The following PRAMEF4 variants were observed in gnomAD, a reference collection of about 807,000 sequenced individuals.
The protein encoded by PRAMEF4 is RP5-845O24.6.
In PRAMEF4, 18 loss-of-function variants were observed where a neutral mutation model predicts 34.4. That is an observed-to-expected ratio of 0.52 (90% CI 0.36 to 0.78). PRAMEF4 has a LOEUF of 0.78. PRAMEF4 is among the 30% of genes least tolerant of loss of function. The pLI is 0.00. For synonymous variants in PRAMEF4, 156 were observed against 219.3 expected, an observed-to-expected ratio of 0.71 and a Z score of 2.55; for missense variants, 482 against 569.1, an observed-to-expected ratio of 0.85 and a Z score of 1.56.
chr1:12,882,641 A>G (rs1231864133), intron 2 of PRAMEF4, among the ~76,000 whole-genome samples: 1 of 147,164 alleles, frequency 6.8e-6, no homozygotes, highest in African/African-American at 2.5e-5. Context: ...CCCAGGCTAG[A>G]GTGCAGTGGT....
At position 12,883,102 on chromosome 1, in the gene PRAMEF4, C is replaced by T. The variant is rs1180144083; in HGVS notation, c.293G>A (p.Arg98Lys). 6.2e-7 allele frequency: 1 copy of T among 1,600,934 alleles called. No homozygotes were observed. Among genetic ancestry groups the T allele is most frequent in the South Asian group, 1.1e-5 (1 of 90,162 alleles). The change falls in exon 2 of 4, where the codon AGG becomes AAG. Residue 98 changes from arginine to lysine, a missense_variant and splice_region_variant. Arg to Lys is a conservative substitution (Grantham distance 26). Coordinates refer to ENST00000235349, the MANE Select transcript of PRAMEF4 (RefSeq NM_001009611.4). Reference protein sequence around the residue: ...DALLNLGVRPRRWKLQVLDLQ... With the variant: ...DALLNLGVRPKRWKLQVLDLQ... ...CACCAGCCCACCTGGGCCACCTCAC[C>T]TGGGACGAACCCCTAGGTTAAGCAG...
chr1:12,879,741 G>C lies in PRAMEF4; in HGVS notation c.1240C>G (p.Leu414Val), dbSNP rs28656460. The C allele has an allele frequency of 8.3e-5, 133 of 1,603,108 alleles. 9 individuals carry two copies. The highest frequency in any genetic ancestry group is 1.9e-4 in the Admixed American group (11 of 57,872). ...TIILKNLCVE[L>V]YPAPRESYGA... The stretch of plus-strand genomic sequence containing the variant: ...TAACTCTCCCGGGGGGCAGGATACA[G>C]CTCCACGCATAAGTTTTTGAGTATG... Residue 414 changes from leucine (L) to valine (V), a missense_variant, in exon 4 of 4, where the codon CTG becomes GTG. By Grantham distance (32) the Leu-to-Val change is conservative. Coordinates refer to ENST00000235349, the MANE Select transcript of PRAMEF4 (RefSeq NM_001009611.4).
At position 12,881,734 on chromosome 1, in the gene PRAMEF4, C is replaced by G. The variant is rs889154172; in HGVS notation, c.875+120G>C. 5.4e-5 allele frequency: 80 copies of G among 1,483,900 alleles called. 5 individuals carry two copies. Among genetic ancestry groups the G allele is most frequent in the African/African-American group, 8.7e-5 (6 of 68,984 alleles). 91.9% of individuals were successfully genotyped at this position (1,483,900 alleles called of 1,614,324 possible). On this transcript the variant is annotated intron_variant, in intron 3 of 3. Coordinates refer to ENST00000235349, the MANE Select transcript of PRAMEF4 (RefSeq NM_001009611.4). ...GGCCGCCCACAGGACAATGCATGGA[C>G]ATTCTAGTGTCCCCTTCACTGTTTC... is the stretch of plus-strand genomic sequence containing the variant.
chr1:12,881,258 C>A (rs755990539), intron 3 of PRAMEF4, among the ~76,000 whole-genome samples: 1 of 148,148 alleles, frequency 6.8e-6, no homozygotes, highest in Admixed American at 6.9e-5. Flanking sequence ...CCCAGGCACT[C>A]AGGAGGCTGA....
rs557337408 is a variant in PRAMEF4 at position 12,883,117 on chromosome 1, A to C, written c.278T>G (p.Leu93Arg). 3 of 1,601,128 alleles carry C rather than the reference A, an allele frequency of 1.9e-6. No homozygotes were observed. The highest frequency in any genetic ancestry group is 2.6e-6 in the Non-Finnish European group (3 of 1,174,164). ...GCCACCTCACCTGGGACGAACCCCTAGGTTAAGCAGTGCATCCAGCCCATC... is the reference window on the plus strand; with the variant it reads ...GCCACCTCACCTGGGACGAACCCCTCGGTTAAGCAGTGCATCCAGCCCATC... ...VLDGLDALLN[L>R]GVRPRRWKLQ... is the part of the protein sequence containing the mutation. Residue 93 changes from leucine to arginine, a missense_variant, in exon 2 of 4, where the codon CTA becomes CGA. Around this residue, in one of 6 missense-constraint regions of PRAMEF4, gnomAD observed 172 missense variants for 130.2 expected, o/e 1.32. Coordinates refer to ENST00000235349, the MANE Select transcript of PRAMEF4 (RefSeq NM_001009611.4).
chr1:12,884,141 C>G (rs4127245), intron 1 of PRAMEF4, among the ~76,000 whole-genome samples: 110,320 of 142,110 alleles, frequency 0.78, 44,685 homozygotes, highest in African/African-American at 0.93. Flanking sequence ...CCAAGTAGCT[C>G]GGACCACAGT....
chr1:12,881,812 C>A, intron 3 of PRAMEF4, 42 bp downstream of exon 3: 1 of 1,566,708 alleles, frequency 6.4e-7, no homozygotes. Context: ...CTGTAACAGG[C>A]TCTGCTGTGG....
chr1:12,885,535 C>A (rs1408731769), intron 1 of PRAMEF4, among the ~76,000 whole-genome samples: 1 of 148,446 alleles, frequency 6.7e-6, no homozygotes, highest in Non-Finnish European at 1.5e-5. Context: ...AATCCCAGCA[C>A]TTTGGGAGGC....
rs202186378 is a variant in PRAMEF4 at position 12,883,541 on chromosome 1, T to A, written c.-16-131A>T. 1.7e-3 allele frequency: 2,087 copies of A among 1,230,068 alleles called. 3 individuals carry two copies. In the African/African-American group the frequency reaches 0.029, roughly 17 times the overall value. The allele number at this position is 1,230,068 out of a possible 1,614,324, so 76.2% of individuals were successfully genotyped here. ...TCCTCAGTTTACTCCAATTCTACTC[T>A]GTACTCAGTGGCCATTAAGCCAGCA... On this transcript the variant is annotated intron_variant, in intron 1 of 3. Coordinates refer to ENST00000235349, the MANE Select transcript of PRAMEF4 (RefSeq NM_001009611.4).
At chr1:12,886,088 T>C (rs1227160791) in intron 1 of PRAMEF4, 59 bp downstream of exon 1, 2 of 129,336 alleles carry the variant, frequency 1.5e-5, no homozygotes, top group African/African-American at 6.1e-5. Flanking sequence ...ACTGTCACCA[T>C]CCCAGACCGA....
chr1:12,884,918 G>C (rs1640970571), intron 1 of PRAMEF4, among the ~76,000 whole-genome samples: 1 of 149,752 alleles, frequency 6.7e-6, no homozygotes, highest in African/African-American at 2.5e-5. Flanking sequence ...GTCCTTCAAA[G>C]TCCTGAGTGT....
In PRAMEF4 at chr1:12,880,467, T is replaced by A. The variant is rs534930848; in HGVS notation, c.876-362A>T. On this transcript the variant is annotated intron_variant, in intron 3 of 3. Transcript: ENST00000235349. ...GGGGGGAGCCTGCAATTCCAGCTAC[T>A]TGGGAAGCTGAGGCAGAAGAATCGC... Among the ~76,000 whole-genome samples the A allele has an allele frequency of 4.4e-3, 664 of 150,264 alleles. 10 individuals carry two copies. Among genetic ancestry groups the A allele is most frequent in the Middle Eastern group, 0.042 (12 of 284 alleles).
At chr1:12,885,289 GC>G (rs1310553770) in intron 1 of PRAMEF4, among the ~76,000 whole-genome samples, 1 of 149,564 alleles carries the variant, frequency 6.7e-6, no homozygotes, top group African/African-American at 2.5e-5. Context: ...ACCCCCCACA[GC>G]CATGCCTCCA....
Position 12,883,160 on chromosome 1 carries a change from C to A in PRAMEF4, c.235G>T (p.Ala79Ser), listed in dbSNP as rs199923650. Residue 79 changes from alanine (A) to serine (S), a missense_variant, in exon 2 of 4, where the codon GCC (alanine) becomes TCC (serine). Transcript: ENST00000235349. ...RPLIKMPCLE[A>S]FQAVLDGLDA... ...AGCCCATCGAGCACAGCTTGGAAGG[C>A]CTCCAGACAAGGCATCTTTATCAGA... 9 of 1,601,144 alleles carry A rather than the reference C, an allele frequency of 5.6e-6. 1 individual carries two copies. Among genetic ancestry groups the A allele is most frequent in the Non-Finnish European group, 7.7e-6 (9 of 1,174,138 alleles).
intron 3 of PRAMEF4, among the ~76,000 whole-genome samples, chr1:12,881,242 T>G (rs1269309801): frequency 1.4e-5 from 2 of 147,900 alleles, no homozygotes; most frequent in African/African-American, 2.5e-5. Flanking sequence ...GGCTCACGCC[T>G]GTAATCCCAG....
Position 12,882,432 on chromosome 1 carries a change from C to A in PRAMEF4, c.297G>T (p.Arg99Ser), listed in dbSNP as rs373025160. The A allele has an allele frequency of 6.3e-7, 1 of 1,587,134 alleles. No individual in the cohort carries two copies. The part of the protein sequence containing the change: ...ALLNLGVRPR[R>S]WKLQVLDLQD... ...GTAAATCCAGCACTTGAAGTTTCCA[C>A]CTCCTGTGGGAAAATAGAGGTGAGA... Residue 99 changes from arginine (R) to serine (S), a missense_variant, in exon 3 of 4, where the codon AGG (arginine) becomes AGT (serine). Coordinates refer to ENST00000235349, the MANE Select transcript of PRAMEF4 (RefSeq NM_001009611.4).
At chr1:12,884,378 C>G (rs1217535467) in intron 1 of PRAMEF4, among the ~76,000 whole-genome samples, 3 of 149,502 alleles carry the variant, frequency 2.0e-5, no homozygotes, top group Non-Finnish European at 3.0e-5. Context: ...GCATCATTCT[C>G]AAGATAGATG....
In PRAMEF4 at chr1:12,879,794, G is replaced by A. The variant is rs1640851377; in HGVS notation, c.1187C>T (p.Thr396Ile). The A allele has an allele frequency of 6.2e-7, 1 of 1,600,258 alleles. No individual in the cohort carries two copies. Among genetic ancestry groups the A allele is most frequent in the Admixed American group, 1.7e-5 (1 of 57,736 alleles). The change falls in exon 4 of 4, where the codon ACC (threonine) becomes ATC (isoleucine). Residue 396 changes from threonine to isoleucine, a missense_variant. Thr to Ile is a moderately conservative substitution (Grantham distance 89). This residue lies in a region of PRAMEF4 where 116 missense variants were observed against 105.2 expected (regional missense o/e 1.10). Coordinates refer to ENST00000235349, the MANE Select transcript of PRAMEF4 (RefSeq NM_001009611.4). Reference sequence around the variant, plus strand: ...TGTGTGGCTCAGCAGGTTCTCCAGGGTGGCCATGCAGATGGGATTTCCACA... The same window carrying A: ...TGTGTGGCTCAGCAGGTTCTCCAGGATGGCCATGCAGATGGGATTTCCACA... ...SFCGNPICMA[T>I]LENLLSHTII...
intron 2 of PRAMEF4, 100 bp downstream of exon 2, chr1:12,883,002 C>T: frequency 6.5e-7 from 1 of 1,527,076 alleles, no homozygotes; most frequent in Non-Finnish European, 8.9e-7. Flanking sequence ...GGCTTCCTCA[C>T]CACCACCATC....
Sources: gnomAD v4.1 joint callset for allele counts (sites outside exome capture counted in the v4.1 genomes callset) on GRCh38, gnomAD v4.1.1 for gene constraint, gnomAD v4.1.1 regional missense constraint, MANE v1.5 for transcripts, NCBI Gene and HGNC (gene_info 2026-07-23, HGNC 2026-07-21) for gene names.